The following NDUFA13 variants were observed in gnomAD, a reference collection of about 807,000 sequenced individuals.
NDUFA13 encodes the protein NADH dehydrogenase [ubiquinone] 1 alpha subcomplex subunit 13.
A neutral mutation model predicts 17.0 loss-of-function variants in NDUFA13; 16 were observed. That is an observed-to-expected ratio of 0.94 (90% CI 0.64 to 1.43). The LOEUF (loss-of-function observed/expected upper bound fraction) is 1.43, where lower values mean the gene tolerates loss of function less well. Ranked by LOEUF, NDUFA13 falls within the 40% of genes most tolerant of loss-of-function variation. The pLI, the probability that NDUFA13 is intolerant of heterozygous loss-of-function variation, is 0.00. For missense variants in NDUFA13, 228 were observed against 206.7 expected (o/e 1.10, Z -0.63); for synonymous variants, 87 against 78.4 (o/e 1.11, Z -0.58).
intron 1 of NDUFA13, 85 bp from the exon 2 acceptor site, chr19:19,526,097 T>G: frequency 1.3e-6 from 2 of 1,571,772 alleles, no homozygotes; most frequent in African/African-American, 1.4e-5. Flanking sequence ...CAGTGTCCCC[T>G]GATTGCAGAG....
At chr19:19,527,257 A>G in intron 2 of NDUFA13, 24 bp from the exon 3 acceptor site, 1 of 1,612,578 alleles carries the variant, frequency 6.2e-7, no homozygotes, top group Non-Finnish European at 8.5e-7. Context: ...GTCTGACCTG[A>G]GTGTGGGTTT....
intron 1 of NDUFA13, among the ~76,000 whole-genome samples, chr19:19,519,251 G>A (rs570603529): frequency 4.7e-4 from 71 of 152,158 alleles, no homozygotes; most frequent in African/African-American, 1.7e-3. Flanking sequence ...TGCAGCACAA[G>A]GTCTGTTTCC....
chr19:19,522,955 CT>C (rs1446918562), intron 1 of NDUFA13, among the ~76,000 whole-genome samples: 2 of 152,238 alleles, frequency 1.3e-5, no homozygotes, highest in Non-Finnish European at 2.9e-5. Flanking sequence ...GGGTTTATTT[CT>C]GGACTCTCAG....
intron 1 of NDUFA13, among the ~76,000 whole-genome samples, chr19:19,524,828 A>G (rs2144643501): frequency 6.6e-6 from 1 of 152,234 alleles, no homozygotes; most frequent in Non-Finnish European, 1.5e-5. Context: ...ATTAAAAAAA[A>G]GAAAAGAACG....
At position 19,527,324 on chromosome 19, in the gene NDUFA13, C is replaced by A. The variant is rs758611062; in HGVS notation, c.217C>A (p.Pro73Thr). 2 of 1,613,962 alleles carry A rather than the reference C, an allele frequency of 1.2e-6. No homozygotes were observed. The highest frequency in any genetic ancestry group is 1.1e-5 in the South Asian group (1 of 91,090). ...EDFEARIALL[P>T]LLQAETDRRT... ...CTTCGAGGCTCGCATCGCGCTGTTG[C>A]CACTGTTACAGGCAGAAACCGACCG... The change falls in exon 3 of 5, where the codon CCA (proline) becomes ACA (threonine). Residue 73 changes from proline (P) to threonine (T), a missense_variant. By Grantham distance (38) the Pro-to-Thr change is conservative. Transcript: ENST00000507754.
intron 1 of NDUFA13, among the ~76,000 whole-genome samples, chr19:19,517,085 C>A (rs557947834): frequency 2.4e-4 from 37 of 152,038 alleles, no homozygotes; most frequent in Non-Finnish European, 3.5e-4. Flanking sequence ...CCATGCCCGG[C>A]GTAAAGTTTT....
At chr19:19,527,017 T>C (rs959334168) in intron 2 of NDUFA13, among the ~76,000 whole-genome samples, 14 of 152,252 alleles carry the variant, frequency 9.2e-5, no homozygotes, top group South Asian at 6.2e-4. Context: ...ATAAAAAAAG[T>C]TTTTAATTGA....
intron 1 of NDUFA13, 46 bp from the exon 2 acceptor site, chr19:19,526,136 G>T (rs1165459266): frequency 6.2e-7 from 1 of 1,605,782 alleles, no homozygotes; most frequent in Non-Finnish European, 8.5e-7. Flanking sequence ...GTGGAGGAGG[G>T]TGTCTGGGGG....
In NDUFA13 at chr19:19,528,048, C is replaced by T. The variant is rs371990491; in HGVS notation, c.357C>T (p.Pro119=). ...TCCACACAACCCGCTGGGTGCCCCC[C>T]TTGATCGGGGAGCTGTACGGGCTGC... ...SVFHTTRWVP[P]LIGELYGLRT... Residue 119 remains proline, a synonymous_variant, in exon 5 of 5, where the codon CCC becomes CCT. Coordinates refer to ENST00000507754, the MANE Select transcript of NDUFA13 (RefSeq NM_015965.7). 8 of 1,612,356 alleles carry T rather than the reference C, an allele frequency of 5.0e-6. No individual in the cohort carries two copies. The highest frequency in any genetic ancestry group is 6.8e-6 in the Non-Finnish European group (8 of 1,179,942).
At chr19:19,523,038 A>C (rs1484015924) in intron 1 of NDUFA13, among the ~76,000 whole-genome samples, 7 of 152,244 alleles carry the variant, frequency 4.6e-5, no homozygotes, top group Non-Finnish European at 1.0e-4. Context: ...CTGTGGGATA[A>C]GTTTTGAAAT....
chr19:19,523,675 C>G (rs1372964957), intron 1 of NDUFA13, among the ~76,000 whole-genome samples: 2 of 152,050 alleles, frequency 1.3e-5, no homozygotes, highest in Non-Finnish European at 2.9e-5. Context: ...GCCTGTAATC[C>G]TAGCACTTTG....
rs376885809 is a variant in NDUFA13 at position 19,527,741 on chromosome 19, A to G, written c.286A>G (p.Ile96Val). The G allele has an allele frequency of 3.2e-6, 5 of 1,552,806 alleles. No homozygotes were observed. The highest frequency in any genetic ancestry group is 1.2e-5 in the South Asian group (1 of 84,136). The part of the protein sequence containing the change: ...MLRENLEEEA[I>V]IMKDVPDWKV... ...TCGGGAGAACCTGGAGGAGGAGGCC[A>G]TCATCATGAAGGACGTGCCCGACTG... The change falls in exon 4 of 5, where the codon ATC becomes GTC. Residue 96 changes from isoleucine (I) to valine (V), a missense_variant. Transcript: ENST00000507754.
At chr19:19,516,412 C>G in intron 1 of NDUFA13, 80 bp downstream of exon 1, 2 of 1,485,712 alleles carry the variant, frequency 1.3e-6, no homozygotes, top group Non-Finnish European at 1.9e-6. Flanking sequence ...ACAGGCGGGC[C>G]TCAGTTTTCC....
At position 19,520,655 on chromosome 19, in the gene NDUFA13, A is replaced by G. The variant is rs116868499; in HGVS notation, c.94+4323A>G. On this transcript the variant is annotated intron_variant, in intron 1 of 4. Transcript: ENST00000507754. ...AAAAAAAATAATAATAATATAGTGAAGTGTGTCCAATTTATTGATTTTTTA... is the reference window on the plus strand; with the variant it reads ...AAAAAAAATAATAATAATATAGTGAGGTGTGTCCAATTTATTGATTTTTTA... 4.8e-3 allele frequency among the ~76,000 whole-genome samples: 731 copies of G among 152,258 alleles called. 6 individuals carry two copies. Among genetic ancestry groups the G allele is most frequent in the South Asian group, 0.041 (199 of 4,828 alleles).
chr19:19,522,402 T>C (rs2061081756), intron 1 of NDUFA13, among the ~76,000 whole-genome samples: 1 of 151,410 alleles, frequency 6.6e-6, no homozygotes, highest in African/African-American at 2.4e-5. Flanking sequence ...AAACCTAGTT[T>C]GAGGTCACAG....
intron 1 of NDUFA13, among the ~76,000 whole-genome samples, chr19:19,522,124 G>A (rs1235759297): frequency 6.6e-6 from 1 of 151,830 alleles, no homozygotes; most frequent in African/African-American, 2.4e-5. Context: ...GGCCAATATG[G>A]CAAAACCCCA....
intron 2 of NDUFA13, chr19:19,526,763 C>T (rs1349766161): frequency 1.7e-5 from 5 of 288,952 alleles, no homozygotes; most frequent in South Asian, 3.4e-5. Context: ...AGGCTGGGCA[C>T]TCCTTCCCCA....
At chr19:19,527,918 C>A in intron 4 of NDUFA13, 89 bp from the exon 5 acceptor site, 1 of 1,534,968 alleles carries the variant, frequency 6.5e-7, no homozygotes, top group Non-Finnish European at 9.0e-7. Context: ...GCGCCTGCCA[C>A]GCACAGGGGC....
At chr19:19,518,719 A>G (rs889594040) in intron 1 of NDUFA13, among the ~76,000 whole-genome samples, 5 of 116,878 alleles carry the variant, frequency 4.3e-5, no homozygotes, top group Non-Finnish European at 8.4e-5. Flanking sequence ...GGGCGCCACC[A>G]TGCCCTGCGA....
Sources: allele counts gnomAD v4.1 joint callset (sites outside exome capture counted in the v4.1 genomes callset), GRCh38; gene constraint gnomAD v4.1.1; transcripts MANE v1.5; gene names NCBI Gene and HGNC (gene_info 2026-07-23, HGNC 2026-07-21).